The following TSPAN18 variants were observed in gnomAD, a reference collection of about 807,000 sequenced individuals.
TSPAN18 encodes the protein tetraspanin 18, also known as tetraspanin-18.
TSPAN18 carries 14 observed loss-of-function variants against 27.3 expected under a neutral mutation model. That is an observed-to-expected ratio of 0.51 (90% CI 0.34 to 0.80). The LOEUF is 0.80. TSPAN18 is among the 30% of genes least tolerant of loss of function. TSPAN18 has a pLI of 0.01. For synonymous variants in TSPAN18, 143 were observed against 136.5 expected (o/e 1.05, Z -0.33); for missense variants, 268 against 323.9 (o/e 0.83, Z 1.32).
At chr11:44,892,569 T>C (rs1219206734) in intron 3 of TSPAN18, among the ~76,000 whole-genome samples, 6 of 152,252 alleles carry the variant, frequency 3.9e-5, no homozygotes, top group Non-Finnish European at 8.8e-5. Flanking sequence ...CAGAGGCCTT[T>C]GCAAACAGGT....
chr11:44,919,147 A>G, intron 6 of TSPAN18, 67 bp from the exon 7 acceptor site: 1 of 1,270,968 alleles, frequency 7.9e-7, no homozygotes, highest in Non-Finnish European at 1.1e-6. Context: ...GTGGATGGAG[A>G]GACGATGGAG....
In TSPAN18 at chr11:44,929,613, G is replaced by A. The variant is rs986142668; in HGVS notation, c.*435G>A. 5 of 168,710 alleles carry A rather than the reference G, an allele frequency of 3.0e-5. No individual in the cohort carries two copies. Among genetic ancestry groups the A allele is most frequent in the African/African-American group, 4.8e-5 (2 of 41,930 alleles). The allele number at this position is 168,710 out of a possible 1,614,324, so 10.5% of individuals were successfully genotyped here. On this transcript the variant is annotated 3_prime_UTR_variant, in exon 10 of 10. Coordinates refer to ENST00000520358, the MANE Select transcript of TSPAN18 (RefSeq NM_130783.5). Reference sequence around the variant, plus strand: ...AGTCATCAAAGCCCAGGGGCTGCACGGAGATTCAGCTGCCATGTCTTTGAG... The same window carrying A: ...AGTCATCAAAGCCCAGGGGCTGCACAGAGATTCAGCTGCCATGTCTTTGAG...
At chr11:44,846,117 T>C (rs1857474525) in intron 2 of TSPAN18, among the ~76,000 whole-genome samples, 1 of 152,252 alleles carries the variant, frequency 6.6e-6, no homozygotes, top group South Asian at 2.1e-4. Flanking sequence ...TTTTCTTCTA[T>C]GCAACAGCCC....
intron 3 of TSPAN18, among the ~76,000 whole-genome samples, chr11:44,883,787 G>C (rs1858560016): frequency 2.6e-5 from 4 of 152,236 alleles, no homozygotes; most frequent in African/African-American, 7.2e-5. Context: ...TCTGAGCCCG[G>C]ATGCTGGAGA....
At chr11:44,928,255 C>T (rs1860441887) in intron 9 of TSPAN18, among the ~76,000 whole-genome samples, 1 of 152,210 alleles carries the variant, frequency 6.6e-6, no homozygotes, top group Non-Finnish European at 1.5e-5. Context: ...CAGCTGCCTG[C>T]CTATTCATAG....
intron 3 of TSPAN18, among the ~76,000 whole-genome samples, chr11:44,866,838 G>T (rs898799883): frequency 2.6e-5 from 4 of 152,112 alleles, no homozygotes; most frequent in African/African-American, 9.7e-5. Flanking sequence ...GAAACCAGCC[G>T]CCCCCAAGGC....
At chr11:44,836,149 TC>T (rs1857259540) in intron 2 of TSPAN18, among the ~76,000 whole-genome samples, 1 of 152,220 alleles carries the variant, frequency 6.6e-6, no homozygotes, top group African/African-American at 2.4e-5. Flanking sequence ...TGATTAAACT[TC>T]ATAAGGAAGG....
chr11:44,818,648 C>T (rs1260712975), intron 2 of TSPAN18, among the ~76,000 whole-genome samples: 3 of 152,206 alleles, frequency 2.0e-5, no homozygotes, highest in East Asian at 1.9e-4. Context: ...TCCCCCAGGG[C>T]CGGGAAACAC....
At chr11:44,756,331 G>C (rs952495794) in intron 1 of TSPAN18, among the ~76,000 whole-genome samples, 2 of 151,980 alleles carry the variant, frequency 1.3e-5, no homozygotes, top group African/African-American at 2.4e-5. Context: ...GGGAGGGAAG[G>C]GTTCCCAGGA....
intron 2 of TSPAN18, among the ~76,000 whole-genome samples, chr11:44,822,565 G>A (rs995677771): frequency 2.6e-5 from 4 of 151,696 alleles, no homozygotes; most frequent in African/African-American, 9.7e-5. Flanking sequence ...TCATTGGTGA[G>A]AATGAGTCAC....
intron 1 of TSPAN18, among the ~76,000 whole-genome samples, chr11:44,735,441 C>T (rs1214667997): frequency 3.9e-5 from 6 of 152,194 alleles, no homozygotes; most frequent in African/African-American, 1.4e-4. Context: ...TCTGAGGGCT[C>T]TAGGGAAAGG....
chr11:44,772,833 T>G (rs1315525221), intron 2 of TSPAN18, among the ~76,000 whole-genome samples: 3 of 151,928 alleles, frequency 2.0e-5, no homozygotes, highest in African/African-American at 7.2e-5. Flanking sequence ...TAATTTTGTA[T>G]TTTTAGTAGA....
intron 2 of TSPAN18, among the ~76,000 whole-genome samples, chr11:44,859,916 C>T (rs933083913): frequency 6.6e-6 from 1 of 152,198 alleles, no homozygotes; most frequent in African/African-American, 2.4e-5. Context: ...CCCAGGAATG[C>T]ATTTTCACAC....
intron 2 of TSPAN18, among the ~76,000 whole-genome samples, chr11:44,838,885 A>G (rs1857314167): frequency 6.6e-6 from 1 of 152,208 alleles, no homozygotes. Flanking sequence ...GCCAAAGGAG[A>G]CCCTTTTAGG....
At chr11:44,818,616 T>A (rs1386762623) in intron 2 of TSPAN18, among the ~76,000 whole-genome samples, 2 of 152,176 alleles carry the variant, frequency 1.3e-5, no homozygotes, top group Middle Eastern at 6.3e-3. Context: ...TCTGCCTGCC[T>A]GCCCTATCCC....
intron 2 of TSPAN18, among the ~76,000 whole-genome samples, chr11:44,854,990 T>G (rs1050951199): frequency 3.3e-5 from 5 of 152,258 alleles, no homozygotes; most frequent in Non-Finnish European, 7.3e-5. Flanking sequence ...GACTCACTCA[T>G]GAGCAATGAG....
At chr11:44,827,056 G>A (rs915098952) in intron 2 of TSPAN18, among the ~76,000 whole-genome samples, 1 of 152,194 alleles carries the variant, frequency 6.6e-6, no homozygotes, top group African/African-American at 2.4e-5. Flanking sequence ...GGCCCTGACT[G>A]GATGTCTGGC....
chr11:44,764,018 C>T (rs1264946599), intron 1 of TSPAN18, among the ~76,000 whole-genome samples: 2 of 151,990 alleles, frequency 1.3e-5, no homozygotes, highest in South Asian at 2.1e-4. Context: ...AGGGGAAGCA[C>T]GCATAGTGAC....
intron 2 of TSPAN18, among the ~76,000 whole-genome samples, chr11:44,810,214 G>A (rs1856683747): frequency 6.6e-6 from 1 of 152,146 alleles, no homozygotes; most frequent in Non-Finnish European, 1.5e-5. Flanking sequence ...CATTCATAGT[G>A]TCCTGTAGCC....
Sources: allele counts gnomAD v4.1 joint callset (sites outside exome capture counted in the v4.1 genomes callset), GRCh38; gene constraint gnomAD v4.1.1; transcripts MANE v1.5; gene names NCBI Gene and HGNC (gene_info 2026-07-23, HGNC 2026-07-21).